The following ZNF133 variants were observed in gnomAD, a reference collection of about 807,000 sequenced individuals.
The protein encoded by ZNF133 is zinc finger protein 133.
In ZNF133, 26 loss-of-function variants were observed where a neutral mutation model predicts 54.9. The observed-to-expected ratio is 0.47, with a 90% CI of 0.35 to 0.66. The LOEUF (loss-of-function observed/expected upper bound fraction) is 0.66. ZNF133 is among the 30% of genes least tolerant of loss of function. The pLI, the probability that ZNF133 is intolerant of heterozygous loss-of-function variation, is 0.01. For missense variants in ZNF133, 653 were observed against 820.8 expected (o/e 0.80, Z 2.50); for synonymous variants, 298 against 320.3 (o/e 0.93, Z 0.74).
intron 6 of ZNF133, chr20:18,310,406 G>T: frequency 7.8e-7 from 1 of 1,288,856 alleles, no homozygotes; most frequent in African/African-American, 1.5e-5. Context: ...TACAAGAAAA[G>T]TATTTAATTT....
intron 6 of ZNF133, chr20:18,306,876 T>A (rs1029944187): frequency 2.7e-5 from 21 of 785,528 alleles, no homozygotes; most frequent in Non-Finnish European, 3.4e-5. Context: ...CTATATAATA[T>A]CCTTAATTTT....
At chr20:18,309,307 T>C (rs916529864) in intron 6 of ZNF133, among the ~76,000 whole-genome samples, 5 of 152,214 alleles carry the variant, frequency 3.3e-5, no homozygotes, top group African/African-American at 9.6e-5. Flanking sequence ...AGTGATTTCA[T>C]AGACTCTCCG....
In ZNF133 at chr20:18,316,861, T is replaced by G; in HGVS notation, c.*45T>G. 6.5e-7 allele frequency: 1 copy of G among 1,540,092 alleles called. No homozygotes were observed. Among genetic ancestry groups the G allele is most frequent in the Non-Finnish European group, 8.7e-7 (1 of 1,144,404 alleles). On this transcript the variant is annotated 3_prime_UTR_variant, in exon 7 of 7. Coordinates refer to ENST00000425686, the MANE Select transcript of ZNF133 (RefSeq NM_001352452.2). ...GACTAAGAGTCAGAATGTTGACACT[T>G]TGATGAAATGGAGTAGAGAAATGCA...
At chr20:18,309,449 G>T (rs558280166) in intron 6 of ZNF133, among the ~76,000 whole-genome samples, 128 of 152,328 alleles carry the variant, frequency 8.4e-4, no homozygotes, top group African/African-American at 3.0e-3. Context: ...ATAAGGTCAG[G>T]AACCAATGTG....
In ZNF133 at chr20:18,315,964, C is replaced by G. The variant is rs1268804717; in HGVS notation, c.1113C>G (p.Ser371=). The G allele has an allele frequency of 6.2e-7, 1 of 1,609,452 alleles. No individual in the cohort carries two copies. Among genetic ancestry groups the G allele is most frequent in the African/African-American group, 1.4e-5 (1 of 73,482 alleles). Residue 371 remains serine, a synonymous_variant, in exon 7 of 7, where the codon TCC becomes TCG. Transcript: ENST00000425686. ...LGFSDRSNLI[S]HQRTHSGEKP... ...TCAGCGACAGGTCAAACCTCATCTC[C>G]CACCAGAGGACGCACTCTGGGGAGA...
chr20:18,306,655 T>C (rs539202103), intron 6 of ZNF133: 3 of 1,246,536 alleles, frequency 2.4e-6, no homozygotes, highest in African/African-American at 3.1e-5. Context: ...GCTCACTCAG[T>C]TCTCTTTCAT....
Position 18,315,230 on chromosome 20 carries a change from C to G in ZNF133, c.379C>G (p.Gln127Glu). 6.2e-7 allele frequency: 1 copy of G among 1,613,986 alleles called. No individual in the cohort carries two copies. The highest frequency in any genetic ancestry group is 8.5e-7 in the Non-Finnish European group (1 of 1,179,972). The change falls in exon 7 of 7, where the codon CAG becomes GAG. Residue 127 changes from glutamine to glutamate, a missense_variant. Transcript: ENST00000425686. ...GCCTGGGGATCCGGGCCCAGGGGAC[C>G]AGGAGAAGCAGCAACAAGCCTCTGA... ...IQPGDPGPGD[Q>E]EKQQQASEGR...
intron 6 of ZNF133, chr20:18,312,708 A>T (rs192260267): frequency 7.0e-6 from 1 of 143,318 alleles, no homozygotes; most frequent in Non-Finnish European, 1.5e-5. Context: ...TTCAATTTTC[A>T]ATTTTATTTA....
chr20:18,290,569 A>G (rs1056323154), intron 1 of ZNF133, among the ~76,000 whole-genome samples: 9 of 152,180 alleles, frequency 5.9e-5, no homozygotes, highest in Admixed American at 6.5e-5. Flanking sequence ...TAACTTATTA[A>G]TATCATTTAA....
intron 6 of ZNF133, chr20:18,314,231 C>A (rs1169535128): frequency 1.3e-5 from 2 of 152,072 alleles, no homozygotes; most frequent in African/African-American, 4.8e-5. Flanking sequence ...AGATCTCTAC[C>A]TCGTTACTCA....
chr20:18,316,643 A>G lies in ZNF133; in HGVS notation c.1792A>G (p.Met598Val). The change falls in exon 7 of 7, where the codon ATG becomes GTG. Residue 598 changes from methionine to valine, a missense_variant. Met to Val is a conservative substitution (Grantham distance 21, BLOSUM62 1). Transcript: ENST00000425686. ...LQKSHLTLHQ[M>V]THTGEKPYVC... ...AAAGTCACACCTCACCTTACATCAAATGACACATACGGGGGAGAAGCCATA... is the reference window on the plus strand; with the variant it reads ...AAAGTCACACCTCACCTTACATCAAGTGACACATACGGGGGAGAAGCCATA... 1.2e-6 allele frequency: 2 copies of G among 1,613,910 alleles called. No individual in the cohort carries two copies. The highest frequency in any genetic ancestry group is 1.7e-6 in the Non-Finnish European group (2 of 1,179,976).
intron 6 of ZNF133, chr20:18,310,156 T>G (rs989537222): frequency 7.6e-7 from 1 of 1,319,096 alleles, no homozygotes; most frequent in South Asian, 2.4e-5. Context: ...TTAATCCTTG[T>G]TTTAATTTAA....
At chr20:18,294,730 T>A (rs1014971503) in intron 1 of ZNF133, among the ~76,000 whole-genome samples, 3 of 152,226 alleles carry the variant, frequency 2.0e-5, no homozygotes, top group African/African-American at 7.2e-5. Context: ...GAGGCAATCA[T>A]GACTTCTCCT....
At chr20:18,308,178 A>G (rs2045078178) in intron 6 of ZNF133, among the ~76,000 whole-genome samples, 1 of 152,178 alleles carries the variant, frequency 6.6e-6, no homozygotes, top group South Asian at 2.1e-4. Context: ...CACATAGATA[A>G]CTTTAAGAAA....
In ZNF133 at chr20:18,305,855, T is replaced by C. The variant is rs1600484562; in HGVS notation, c.121+48T>C. 6.4e-7 allele frequency: 1 copy of C among 1,572,354 alleles called. No individual in the cohort carries two copies. The highest frequency in any genetic ancestry group is 1.2e-5 in the South Asian group (1 of 85,882). On this transcript the variant is annotated intron_variant, in intron 5 of 6. Transcript: ENST00000425686. The surrounding 1 kb of genome is among the most constrained non-coding windows in gnomAD (Gnocchi z 4.7). ...TTCCCATTCTTATTGCTGGGAATTT[T>C]AGGCTATGCTTGAAGCAGCCATCTT...
At position 18,316,865 on chromosome 20, in the gene ZNF133, T is replaced by C; in HGVS notation, c.*49T>C. 1 of 1,534,416 alleles carries C rather than the reference T, an allele frequency of 6.5e-7. No homozygotes were observed. The highest frequency in any genetic ancestry group is 8.8e-7 in the Non-Finnish European group (1 of 1,141,304). Reference sequence around the variant, plus strand: ...AAGAGTCAGAATGTTGACACTTTGATGAAATGGAGTAGAGAAATGCATTCT... The same window carrying C: ...AAGAGTCAGAATGTTGACACTTTGACGAAATGGAGTAGAGAAATGCATTCT... On this transcript the variant is annotated 3_prime_UTR_variant, in exon 7 of 7. Coordinates refer to ENST00000425686, the MANE Select transcript of ZNF133 (RefSeq NM_001352452.2).
chr20:18,306,618 T>C (rs1266599558), intron 6 of ZNF133: 2 of 1,023,922 alleles, frequency 2.0e-6, no homozygotes, highest in Admixed American at 6.0e-5. Context: ...GAAGCCTTTT[T>C]TCCTCCCAGT....
chr20:18,306,794 G>T, intron 6 of ZNF133: 1 of 1,239,250 alleles, frequency 8.1e-7, no homozygotes, highest in South Asian at 1.5e-5. Flanking sequence ...TAGAGAAATT[G>T]AAATGGAATT....
Position 18,288,600 on chromosome 20 carries a change from C to T in ZNF133, c.-436C>T, listed in dbSNP as rs376631940. The T allele has an allele frequency of 5.8e-5, 23 of 398,516 alleles. No individual in the cohort carries two copies. Among genetic ancestry groups the T allele is most frequent in the East Asian group, 1.4e-4 (4 of 28,070 alleles). The allele number at this position is 398,516 out of a possible 1,614,324, so 24.7% of individuals were successfully genotyped here. The stretch of plus-strand genomic sequence containing the variant: ...GGAGCGACCCCTTGTTCTTTGGTGG[C>T]GCTGGTGAGTGAGGCTCCCGCGGGA... On this transcript the variant is annotated 5_prime_UTR_variant, in exon 1 of 7. Coordinates refer to ENST00000425686, the MANE Select transcript of ZNF133 (RefSeq NM_001352452.2).
Sources: gnomAD v4.1 joint callset for allele counts (sites outside exome capture counted in the v4.1 genomes callset) on GRCh38, gnomAD v4.1.1 for gene constraint, Gnocchi (gnomAD v3.1) non-coding constraint, MANE v1.5 for transcripts, NCBI Gene and HGNC (gene_info 2026-07-23, HGNC 2026-07-21) for gene names.